CAPN9: variants seen among roughly 807,000 people sequenced by gnomAD.
CAPN9 encodes calpain-9.
In CAPN9, 81 loss-of-function variants were observed where a neutral mutation model predicts 92.8. The observed-to-expected ratio is 0.87, with a 90% CI of 0.73 to 1.05. CAPN9 has a LOEUF of 1.05. CAPN9 is among the 50% of genes least tolerant of loss of function. The pLI is 0.00. For synonymous variants in CAPN9, 304 were observed against 328.0 expected, an observed-to-expected ratio of 0.93 and a Z score of 0.79; for missense variants, 848 against 866.2, an observed-to-expected ratio of 0.98 and a Z score of 0.26.
Position 230,795,148 on chromosome 1 carries a change from C to T in CAPN9, c.1871-15C>T. 6.4e-7 allele frequency: 1 copy of T among 1,566,516 alleles called. No individual in the cohort carries two copies. Among genetic ancestry groups the T allele is most frequent in the South Asian group, 1.1e-5 (1 of 90,084 alleles). On this transcript the variant is annotated splice_polypyrimidine_tract_variant and intron_variant, in intron 17 of 19. Transcript: ENST00000271971. ...GGATACAGCGAGTCCTGGGTCTCCT[C>T]CTTTGTCCCCACAGGCTTTCAGCTG...
At chr1:230,801,084 C>T (rs756979804) in intron 19 of CAPN9, among the ~76,000 whole-genome samples, 29 of 152,146 alleles carry the variant, frequency 1.9e-4, no homozygotes, top group Non-Finnish European at 3.8e-4. Context: ...GCAGGGTGGA[C>T]TCGGGAGAGA....
chr1:230,793,542 C>T (rs1157470931), intron 17 of CAPN9, among the ~76,000 whole-genome samples: 2 of 152,230 alleles, frequency 1.3e-5, no homozygotes, highest in Non-Finnish European at 2.9e-5. Context: ...CCATGTCCTG[C>T]ACACACAACC....
rs13375533 is a variant in CAPN9 at position 230,789,166 on chromosome 1, C to T, written c.1600-966C>T. Reference sequence around the variant, plus strand: ...ACTCCACAGCATAACACACGGCTAGCGCAAAACCCTGACTAAAATGAGGTC... The same window carrying T: ...ACTCCACAGCATAACACACGGCTAGTGCAAAACCCTGACTAAAATGAGGTC... On this transcript the variant is annotated intron_variant, in intron 13 of 19. Coordinates refer to ENST00000271971, the MANE Select transcript of CAPN9 (RefSeq NM_006615.3). Among the ~76,000 whole-genome samples, 973 of 152,152 alleles carry T rather than the reference C, an allele frequency of 6.4e-3. 7 individuals carry two copies. Among genetic ancestry groups the T allele is most frequent in the African/African-American group, 0.022 (920 of 41,492 alleles).
chr1:230,752,706 T>C (rs181297351), intron 1 of CAPN9: 3 of 985,182 alleles, frequency 3.0e-6, no homozygotes, highest in African/African-American at 3.5e-5. Flanking sequence ...GTACATTTTA[T>C]GTCCACTTGA....
chr1:230,751,648 AAAG>A (rs1491432227), intron 1 of CAPN9, among the ~76,000 whole-genome samples: 2 of 87,614 alleles, frequency 2.3e-5, no homozygotes, highest in African/African-American at 1.2e-4. Flanking sequence ...AGAAAGAAAG[AAAG>A]AAAGAAAGAA....
rs151280259 is a variant in CAPN9 at position 230,762,695 on chromosome 1, C to T, written c.445C>T (p.Arg149Cys). 31 of 1,614,032 alleles carry T rather than the reference C, an allele frequency of 1.9e-5. 1 individual carries two copies. Among genetic ancestry groups the T allele is most frequent in the South Asian group, 4.4e-5 (4 of 91,078 alleles). The change falls in exon 4 of 20, where the codon CGC (arginine) becomes TGC (cysteine). Residue 149 changes from arginine (R) to cysteine (C), a missense_variant. Transcript: ENST00000271971. ...GTGGCTGGACGTGGTGATCGATGAC[C>T]GCCTGCCCACCTTCAGGGACCGCTT... Reference protein sequence around the residue: ...SEWLDVVIDDRLPTFRDRLVF... With the variant: ...SEWLDVVIDDCLPTFRDRLVF...
At chr1:230,761,877 A>G (rs997859521) in intron 3 of CAPN9, among the ~76,000 whole-genome samples, 4 of 152,158 alleles carry the variant, frequency 2.6e-5, no homozygotes, top group African/African-American at 9.7e-5. Context: ...AAGCTCATAC[A>G]CATGCATACA....
At chr1:230,750,062 C>T (rs1664667593) in intron 1 of CAPN9, among the ~76,000 whole-genome samples, 2 of 152,154 alleles carry the variant, frequency 1.3e-5, no homozygotes, top group Non-Finnish European at 2.9e-5. Flanking sequence ...CAAGGCCTGC[C>T]CAGCGACTCT....
intron 2 of CAPN9, among the ~76,000 whole-genome samples, chr1:230,758,118 G>T (rs1173976499): frequency 6.6e-6 from 1 of 152,184 alleles, no homozygotes; most frequent in Non-Finnish European, 1.5e-5. Context: ...CCCGCCAAAA[G>T]CTCAGAGCAT....
At chr1:230,771,946 T>G (rs1456271110) in intron 6 of CAPN9, 68 bp from the exon 7 acceptor site, 1 of 1,292,432 alleles carries the variant, frequency 7.7e-7, no homozygotes, top group African/African-American at 1.5e-5. Flanking sequence ...CTGGAGCTCA[T>G]AGATGAATGT....
intron 14 of CAPN9, among the ~76,000 whole-genome samples, chr1:230,791,211 G>A (rs1364808223): frequency 6.6e-6 from 1 of 152,108 alleles, no homozygotes; most frequent in East Asian, 1.9e-4. Flanking sequence ...TTTTGGGTGG[G>A]CATGTGTTTT....
At chr1:230,752,147 GT>G (rs1158221903) in intron 1 of CAPN9, among the ~76,000 whole-genome samples, 1 of 151,762 alleles carries the variant, frequency 6.6e-6, no homozygotes, top group African/African-American at 2.4e-5. Flanking sequence ...AAGCACACAC[GT>G]GTACCACACC....
At chr1:230,764,753 G>A (rs570754353) in intron 4 of CAPN9, among the ~76,000 whole-genome samples, 6 of 152,312 alleles carry the variant, frequency 3.9e-5, no homozygotes, top group South Asian at 2.1e-4. Context: ...GGTGGATGGC[G>A]GGAGCCGAGT....
At chr1:230,767,501 G>A (rs1261979759) in intron 4 of CAPN9, 40 bp from the exon 5 acceptor site, 10 of 1,552,426 alleles carry the variant, frequency 6.4e-6, no homozygotes, top group African/African-American at 1.4e-5. Flanking sequence ...GGCCTCCCTA[G>A]GTCCCTGACT....
intron 18 of CAPN9, 67 bp from the exon 19 acceptor site, chr1:230,798,095 G>T (rs192605803): frequency 1.6e-6 from 2 of 1,213,328 alleles, no homozygotes; most frequent in African/African-American, 1.5e-5. Context: ...CCCTTTGGTC[G>T]CTGGGAAACA....
Position 230,780,204 on chromosome 1 carries a change from A to G in CAPN9, c.1140A>G (p.Ile380Met). Residue 380 changes from isoleucine to methionine, a missense_variant, in exon 10 of 20, where the codon ATA (isoleucine) becomes ATG (methionine). Ile to Met is a conservative substitution (Grantham distance 10). Transcript: ENST00000271971. ...FLDTFWTNPQ[I>M]KLSLTEKDEG... ...ATACCTTTTGGACCAATCCACAAAT[A>G]AAATTGTCTCTGACTGAGAAAGATG... 6.2e-7 allele frequency: 1 copy of G among 1,613,834 alleles called. No homozygotes were observed. Among genetic ancestry groups the G allele is most frequent in the Admixed American group, 1.7e-5 (1 of 59,940 alleles).
chr1:230,753,724 A>C (rs1291222426), intron 1 of CAPN9, among the ~76,000 whole-genome samples: 1 of 151,688 alleles, frequency 6.6e-6, no homozygotes, highest in African/African-American at 2.4e-5. Flanking sequence ...GGTGGGAAAA[A>C]TCCTTCACTC....
intron 6 of CAPN9, 90 bp downstream of exon 6, chr1:230,769,353 A>C: frequency 3.2e-6 from 3 of 943,936 alleles, no homozygotes; most frequent in South Asian, 3.2e-5. Flanking sequence ...TGCAGTTTAA[A>C]TGTCTGCCTT....
intron 11 of CAPN9, among the ~76,000 whole-genome samples, chr1:230,782,744 C>T (rs566732271): frequency 1.7e-3 from 265 of 152,190 alleles, no homozygotes; most frequent in Non-Finnish European, 3.2e-3. Context: ...AGGCCAGGCA[C>T]GGTGGCTCAT....
Sources: allele counts gnomAD v4.1 joint callset (sites outside exome capture counted in the v4.1 genomes callset), GRCh38; gene constraint gnomAD v4.1.1; transcripts MANE v1.5; gene names NCBI Gene and HGNC (gene_info 2026-07-23, HGNC 2026-07-21).